SNED1: variants seen among roughly 807,000 people sequenced by gnomAD.
The protein encoded by SNED1 is sushi, nidogen and EGF-like domain-containing protein 1.
SNED1 carries 81 observed loss-of-function variants against 166.7 expected under a neutral mutation model. The observed-to-expected ratio is 0.49, with a 90% CI of 0.41 to 0.58. The LOEUF is 0.58. Among genes scored for constraint, SNED1 ranks in the 20% least tolerant of loss-of-function variants. The probability of loss-of-function intolerance (pLI) is 0.00; values close to 1 mark genes in which losing one functional copy is unlikely to be tolerated. For synonymous variants in SNED1, 762 were observed against 822.0 expected (o/e 0.93, Z 1.25); for missense variants, 1,604 against 2,000.2 (o/e 0.80, Z 3.78).
rs2062989345 is a variant in SNED1, at chr2:241,075,749, T to TA, written c.3916+2391dup. ...TGGTTAACAAGTTGGGAGCCTTCTT[T>TA]AAAAAATATCCTTCCCCACACCAAA... On this transcript the variant is annotated intron_variant, in intron 27 of 31. Coordinates refer to ENST00000310397, the MANE Select transcript of SNED1 (RefSeq NM_001080437.3). The surrounding 1 kb of genome is among the most constrained non-coding windows in gnomAD (Gnocchi z 4.8). 6.6e-6 allele frequency: 1 copy of TA among 152,198 alleles called. No homozygotes were observed. Among genetic ancestry groups the TA allele is most frequent in the Non-Finnish European group, 1.5e-5 (1 of 68,030 alleles). 9.4% of individuals were successfully genotyped at this position (152,198 alleles called of 1,614,324 possible).
rs1045707955 is a variant in SNED1, at chr2:241,064,789, G to C, written c.2600-55G>C. The stretch of plus-strand genomic sequence containing the variant: ...TGCCCCAGGAGCAAGGGCGGGGCTG[G>C]AGCAGGGACCCCTGGCCACGCCCCA... On this transcript the variant is annotated intron_variant, in intron 19 of 31. Coordinates refer to ENST00000310397, the MANE Select transcript of SNED1 (RefSeq NM_001080437.3). This position sits in a 1 kb window ranked among gnomAD's most constrained non-coding sequence, Gnocchi z 7.0. The C allele has an allele frequency of 5.3e-6, 7 of 1,321,506 alleles. No individual in the cohort carries two copies. In the Admixed American group the frequency reaches 1.2e-4, roughly 23 times the overall value. 81.9% of individuals were successfully genotyped at this position (1,321,506 alleles called of 1,614,324 possible).
At position 241,056,720 on chromosome 2, in the gene SNED1, A is replaced by G. The variant is rs562691994; in HGVS notation, c.2257+3394A>G. On this transcript the variant is annotated intron_variant, in intron 16 of 31. Transcript: ENST00000310397. ...CTCAGCCTCCCGAGTAGCTGGGACT[A>G]CAGGCGCCCATCACCACGCCCGGCT... 3.3e-5 allele frequency among the ~76,000 whole-genome samples: 5 copies of G among 151,844 alleles called. No individual in the cohort carries two copies. In the South Asian group the frequency reaches 8.3e-4, roughly 25 times the overall value.
chr2:241,041,049 C>G (rs937989894), intron 8 of SNED1: 1 of 354,810 alleles, frequency 2.8e-6, no homozygotes, highest in African/African-American at 2.2e-5. Flanking sequence ...ATGCTAAAGA[C>G]AAACTATTCA....
At chr2:241,040,839 T>A (rs1280049826) in intron 8 of SNED1, 1 of 472,262 alleles carries the variant, frequency 2.1e-6, no homozygotes, top group South Asian at 1.5e-5. Context: ...GAAAGAAAAC[T>A]GACCTTTCAC....
At chr2:241,030,595 G>A (rs1348498541) in intron 2 of SNED1, 24 bp downstream of exon 2, 20 of 1,608,936 alleles carry the variant, frequency 1.2e-5, no homozygotes, top group Non-Finnish European at 1.7e-5. Context: ...CTTGTCCTGG[G>A]GAGGGTGGGT....
Position 241,068,938 on chromosome 2 carries a change from C to A in SNED1, c.3222C>A (p.Thr1074=), listed in dbSNP as rs2062584114. The A allele has an allele frequency of 6.4e-7, 1 of 1,554,740 alleles. No individual in the cohort carries two copies. The highest frequency in any genetic ancestry group is 8.7e-7 in the Non-Finnish European group (1 of 1,149,270). The change falls in exon 23 of 32, where the codon ACC becomes ACA. Residue 1074 remains threonine, a synonymous_variant. Transcript: ENST00000310397. This position sits in a 1 kb window ranked among gnomAD's most constrained non-coding sequence, Gnocchi z 5.3. ...FRALLPGKRY[T]IQLTTLSGLR... ...CCCTGCTGCCTGGGAAGAGGTACAC[C>A]ATCCAGCTGACCACCCTCAGTGGGC...
intron 17 of SNED1, 48 bp from the exon 18 acceptor site, chr2:241,063,539 G>C: frequency 7.9e-7 from 1 of 1,259,320 alleles, no homozygotes; most frequent in South Asian, 1.3e-5. Context: ...GCATGTGGGC[G>C]CCTCAGACTT....
At chr2:241,086,353 C>A (rs928792371) in intron 29 of SNED1, among the ~76,000 whole-genome samples, 1 of 62,026 alleles carries the variant, frequency 1.6e-5, no homozygotes, top group Admixed American at 1.7e-4. Flanking sequence ...CTGCATAGTT[C>A]CCTCCTCTTC....
intron 1 of SNED1, among the ~76,000 whole-genome samples, chr2:241,029,855 G>A (rs1424607547): frequency 2.0e-5 from 3 of 152,200 alleles, no homozygotes; most frequent in African/African-American, 7.2e-5. Context: ...TGTGACCCCT[G>A]CCCACCCTTT....
At chr2:241,050,497 C>T (rs1350539252) in intron 12 of SNED1, among the ~76,000 whole-genome samples, 1 of 152,138 alleles carries the variant, frequency 6.6e-6, no homozygotes, top group East Asian at 1.9e-4. Context: ...ACCTGGCACC[C>T]TCTCCAGGGG....
At chr2:241,056,159 TTA>T (rs1218865868) in intron 16 of SNED1, among the ~76,000 whole-genome samples, 1 of 152,140 alleles carries the variant, frequency 6.6e-6, no homozygotes, top group South Asian at 2.1e-4. Flanking sequence ...AAAATTTTCT[TTA>T]TGTTAAAGAA....
At position 241,051,987 on chromosome 2, in the gene SNED1, G is replaced by C; in HGVS notation, c.1853-54G>C. 2 of 1,552,488 alleles carry C rather than the reference G, an allele frequency of 1.3e-6. No homozygotes were observed. Among genetic ancestry groups the C allele is most frequent in the Non-Finnish European group, 1.8e-6 (2 of 1,130,652 alleles). ...GAAGAGGCCCCAGCTCTGGGATGTT[G>C]GGGAACGTGGGAGGGGCAGTGGGCT... is the stretch of plus-strand genomic sequence containing the variant. On this transcript the variant is annotated intron_variant, in intron 13 of 31. Coordinates refer to ENST00000310397, the MANE Select transcript of SNED1 (RefSeq NM_001080437.3). The surrounding 1 kb of genome is among the most constrained non-coding windows in gnomAD (Gnocchi z 4.7).
chr2:241,070,048 A>T lies in SNED1; in HGVS notation c.3436A>T (p.Thr1146Ser), dbSNP rs183525741. The change falls in exon 24 of 32, where the codon ACC becomes TCC. Residue 1146 changes from threonine (T) to serine (S), a missense_variant. Physicochemically the swap from Thr to Ser is moderately conservative, Grantham distance 58. Around this residue, in one of 2 missense-constraint regions of SNED1, gnomAD observed 367 missense variants for 379.4 expected, o/e 0.97. Transcript: ENST00000310397. Reference sequence around the variant, plus strand: ...CATCAATGTGACCACCAGCCAGAGCACCAAGAGCCGCTATGTCCCCAACGG... The same window carrying T: ...CATCAATGTGACCACCAGCCAGAGCTCCAAGAGCCGCTATGTCCCCAACGG... ...YVINVTTSQSTKSRYVPNGKL... is the reference protein window; with the variant it reads ...YVINVTTSQSSKSRYVPNGKL... 5.0e-4 allele frequency: 802 copies of T among 1,613,064 alleles called. 1 individual carries two copies. Among genetic ancestry groups the T allele is most frequent in the Admixed American group, 1.2e-3 (71 of 60,026 alleles).
In SNED1 at chr2:241,070,109, C is replaced by T. The variant is rs1464893360; in HGVS notation, c.3497C>T (p.Pro1166Leu). 4 of 1,612,802 alleles carry T rather than the reference C, an allele frequency of 2.5e-6. No individual in the cohort carries two copies. The highest frequency in any genetic ancestry group is 3.4e-6 in the Non-Finnish European group (4 of 1,179,836). ...LASYTVRDLL[P>L]GRRYQLSVIA... is the part of the protein sequence containing the mutation. The stretch of plus-strand genomic sequence containing the variant: ...TCCTACACGGTGCGCGACCTGCTGC[C>T]GGGACGGCGGTACCAGCTCTCTGTG... Residue 1166 changes from proline to leucine, a missense_variant, in exon 24 of 32, where the codon CCG becomes CTG. Coordinates refer to ENST00000310397, the MANE Select transcript of SNED1 (RefSeq NM_001080437.3).
chr2:241,071,330 C>T, intron 24 of SNED1: 1 of 582,294 alleles, frequency 1.7e-6, no homozygotes, highest in Non-Finnish European at 3.1e-6. Flanking sequence ...GACTCCCAGG[C>T]CAGTGCACGC....
intron 8 of SNED1, among the ~76,000 whole-genome samples, chr2:241,046,685 T>G (rs2061656413): frequency 1.3e-5 from 2 of 152,296 alleles, no homozygotes; most frequent in South Asian, 4.1e-4. Context: ...ACCAAAGAAG[T>G]CTTTCAGGGA....
chr2:241,073,412 C>A lies in SNED1; in HGVS notation c.3916+48C>A. The A allele has an allele frequency of 6.8e-7, 1 of 1,461,612 alleles. No homozygotes were observed. The highest frequency in any genetic ancestry group is 9.4e-7 in the Non-Finnish European group (1 of 1,065,262). 90.5% of individuals were successfully genotyped at this position (1,461,612 alleles called of 1,614,324 possible). A position where few individuals can be genotyped will look rare whatever the true frequency, so the allele number is the denominator to read the frequency against. ...GACTTTGGGACTGACTGACTGCTCT[C>A]AGGGGCCTTAGAGGCTGCAGGCAGG... On this transcript the variant is annotated intron_variant, in intron 27 of 31. Transcript: ENST00000310397. This position sits in a 1 kb window ranked among gnomAD's most constrained non-coding sequence, Gnocchi z 6.6.
chr2:241,077,268 T>C (rs1437542150), intron 27 of SNED1, among the ~76,000 whole-genome samples: 1 of 152,004 alleles, frequency 6.6e-6, no homozygotes, highest in Non-Finnish European at 1.5e-5. Flanking sequence ...ATAACACAAA[T>C]TACCACAAAT....
At position 241,053,150 on chromosome 2, in the gene SNED1, C is replaced by T; in HGVS notation, c.2084-3C>T. 1 of 1,608,662 alleles carries T rather than the reference C, an allele frequency of 6.2e-7. No homozygotes were observed. Among genetic ancestry groups the T allele is most frequent in the Non-Finnish European group, 8.5e-7 (1 of 1,178,610 alleles). ...GTGCGAGACAGGCTGCCGTGCCTTG[C>T]AGAGGTGGACTGCGGCCCCCCGGAG... On this transcript the variant is annotated splice_region_variant and splice_polypyrimidine_tract_variant and intron_variant, in intron 15 of 31. Coordinates refer to ENST00000310397, the MANE Select transcript of SNED1 (RefSeq NM_001080437.3).
Sources: gnomAD v4.1 joint callset for allele counts (sites outside exome capture counted in the v4.1 genomes callset) on GRCh38, gnomAD v4.1.1 for gene constraint, gnomAD v4.1.1 regional missense constraint, Gnocchi (gnomAD v3.1) non-coding constraint, MANE v1.5 for transcripts, NCBI Gene and HGNC (gene_info 2026-07-23, HGNC 2026-07-21) for gene names.